The following GATAD2A variants were observed in gnomAD, a reference collection of about 807,000 sequenced individuals.
GATAD2A encodes the protein GATA zinc finger domain containing 2A.
In GATAD2A, 12 loss-of-function variants were observed where a neutral mutation model predicts 68.5. The ratio of observed to expected loss-of-function variants is 0.18; its 90% confidence interval spans 0.11 to 0.28. The LOEUF is 0.28. GATAD2A is among the 10% of genes least tolerant of loss of function. The pLI is 1.00. For missense variants in GATAD2A, 755 were observed against 868.5 expected (o/e 0.87, Z 1.64); for synonymous variants, 410 against 375.3 (o/e 1.09, Z -1.07).
At chr19:19,495,644 A>AG in intron 5 of GATAD2A, 110 bp from the exon 6 acceptor site, 1 of 1,008,918 alleles carries the variant, frequency 9.9e-7, no homozygotes, top group South Asian at 2.0e-5. Context: ...TAAAAAAAAA[A>AG]AAAAAAAAAA....
At chr19:19,505,026 C>G (rs1291045730) in intron 11 of GATAD2A, among the ~76,000 whole-genome samples, 1 of 152,232 alleles carries the variant, frequency 6.6e-6, no homozygotes, top group Admixed American at 6.5e-5. Flanking sequence ...TTCCACTGTT[C>G]TAAGCAGCAC....
intron 1 of GATAD2A, among the ~76,000 whole-genome samples, chr19:19,418,020 C>T (rs951021156): frequency 5.9e-5 from 9 of 152,208 alleles, no homozygotes; most frequent in East Asian, 1.9e-4. Flanking sequence ...AGCTAAAGGG[C>T]GGGCAGGAGC....
At chr19:19,476,592 A>G (rs555388871) in intron 2 of GATAD2A, among the ~76,000 whole-genome samples, 2 of 152,328 alleles carry the variant, frequency 1.3e-5, no homozygotes, top group African/African-American at 4.8e-5. Context: ...CCTGGAGGCT[A>G]CGGGGCGGCT....
At chr19:19,456,137 C>T (rs1369260693) in intron 1 of GATAD2A, among the ~76,000 whole-genome samples, 87 of 136,906 alleles carry the variant, frequency 6.4e-4, no homozygotes, top group African/African-American at 2.4e-3. Context: ...CTGAGCGACA[C>T]AGCGAGACTC....
chr19:19,475,097 G>A (rs1213789199), intron 2 of GATAD2A, among the ~76,000 whole-genome samples: 4 of 152,254 alleles, frequency 2.6e-5, no homozygotes, highest in Non-Finnish European at 4.4e-5. Context: ...TCTTCACAGC[G>A]ATGTGCAGAG....
intron 1 of GATAD2A, among the ~76,000 whole-genome samples, chr19:19,423,183 A>G (rs987894060): frequency 2.0e-5 from 3 of 152,072 alleles, no homozygotes; most frequent in African/African-American, 7.2e-5. Context: ...ATTTGAAAAT[A>G]TTTTGTAGAG....
In GATAD2A at chr19:19,492,620, C is replaced by T. The variant is rs1271131017; in HGVS notation, c.442C>T (p.Leu148=). The T allele has an allele frequency of 6.2e-7, 1 of 1,614,146 alleles. No homozygotes were observed. Among genetic ancestry groups the T allele is most frequent in the Admixed American group, 1.7e-5 (1 of 60,020 alleles). Residue 148 remains leucine (L), a synonymous_variant, in exon 4 of 12, where the codon CTG becomes TTG. Transcript: ENST00000683918. ...AGAACGAGAAAGGATGATCAAGCAGCTGAAGGAAGAATTGAGGTTAGAAGA... is the reference window on the plus strand; with the variant it reads ...AGAACGAGAAAGGATGATCAAGCAGTTGAAGGAAGAATTGAGGTTAGAAGA... ...PEERERMIKQ[L]KEELRLEEAK... is the part of the protein sequence containing the mutation.
chr19:19,483,701 ACCTC>A (rs2059215312), intron 2 of GATAD2A, among the ~76,000 whole-genome samples: 1 of 146,890 alleles, frequency 6.8e-6, no homozygotes, highest in African/African-American at 2.5e-5. Context: ...TGCAAACTCC[ACCTC>A]CCGGGTTCAC....
intron 2 of GATAD2A, among the ~76,000 whole-genome samples, chr19:19,479,860 T>C (rs986322111): frequency 5.9e-5 from 8 of 134,930 alleles, no homozygotes; most frequent in Non-Finnish European, 1.2e-4. Flanking sequence ...TTTTTTGAGA[T>C]GGAGTCTCAC....
chr19:19,446,839 G>A (rs1043467038), intron 1 of GATAD2A, among the ~76,000 whole-genome samples: 10 of 152,304 alleles, frequency 6.6e-5, no homozygotes, highest in East Asian at 1.9e-4. Context: ...GATTACAGGC[G>A]TGGGCCACTG....
chr19:19,414,957 TA>T (rs1369654291), intron 1 of GATAD2A, among the ~76,000 whole-genome samples: 3 of 147,514 alleles, frequency 2.0e-5, no homozygotes, highest in African/African-American at 7.5e-5. Flanking sequence ...AGGGCAGCCT[TA>T]AAAAAAAACT....
At chr19:19,443,087 A>G (rs1256612795) in intron 1 of GATAD2A, among the ~76,000 whole-genome samples, 3 of 152,132 alleles carry the variant, frequency 2.0e-5, no homozygotes, top group Non-Finnish European at 4.4e-5. Flanking sequence ...AATTTTGTCT[A>G]TTTAAATAGC....
chr19:19,412,787 A>G (rs542495730), intron 1 of GATAD2A, among the ~76,000 whole-genome samples: 3 of 152,178 alleles, frequency 2.0e-5, no homozygotes, highest in Non-Finnish European at 2.9e-5. Context: ...TCTATACTCA[A>G]CACATTCTTA....
At chr19:19,390,536 A>G (rs1044531828) in intron 1 of GATAD2A, among the ~76,000 whole-genome samples, 1 of 152,166 alleles carries the variant, frequency 6.6e-6, no homozygotes, top group Non-Finnish European at 1.5e-5. Context: ...ACCAGATGTG[A>G]GATGGGTTTA....
At chr19:19,464,766 G>C (rs1600200868) in intron 1 of GATAD2A, 2 of 162,204 alleles carry the variant, frequency 1.2e-5, no homozygotes, top group South Asian at 3.3e-4. Context: ...GGCAACCAAA[G>C]GGTTAAATGT....
chr19:19,457,875 G>A (rs1174714108), intron 1 of GATAD2A, among the ~76,000 whole-genome samples: 2 of 152,114 alleles, frequency 1.3e-5, no homozygotes, highest in Non-Finnish European at 2.9e-5. Flanking sequence ...CTTCAGTTGT[G>A]CCTGTACCTT....
intron 1 of GATAD2A, among the ~76,000 whole-genome samples, chr19:19,436,792 C>G (rs909962505): frequency 2.0e-5 from 3 of 152,202 alleles, no homozygotes; most frequent in Admixed American, 2.0e-4. Flanking sequence ...CCAAGGCTAC[C>G]TACCTGGAGA....
chr19:19,440,082 G>A, intron 1 of GATAD2A: 1 of 378,532 alleles, frequency 2.6e-6, no homozygotes, highest in Non-Finnish European at 5.2e-6. Context: ...TGGTGCCTGA[G>A]CCCCTGAGTG....
chr19:19,493,048 C>T (rs1269725660), intron 4 of GATAD2A, among the ~76,000 whole-genome samples: 3 of 150,886 alleles, frequency 2.0e-5, no homozygotes, highest in Admixed American at 2.0e-4. Flanking sequence ...TCAGGTGATT[C>T]TCCCGCCTCA....
Sources: gnomAD v4.1 joint callset for allele counts (sites outside exome capture counted in the v4.1 genomes callset) on GRCh38, gnomAD v4.1.1 for gene constraint, MANE v1.5 for transcripts, NCBI Gene and HGNC (gene_info 2026-07-23, HGNC 2026-07-21) for gene names.